The following ZNF32 variants were observed in gnomAD, a reference collection of about 807,000 sequenced individuals.
ZNF32 encodes the protein zinc finger protein 32, also known as C2H2-546.
Under a neutral mutation model 24.4 loss-of-function variants are expected in ZNF32, and 13 were observed. The observed-to-expected ratio is 0.53, with a 90% CI of 0.35 to 0.85. The LOEUF (loss-of-function observed/expected upper bound fraction) is 0.85, where lower values mean the gene tolerates loss of function less well. Among genes scored for constraint, ZNF32 ranks in the 40% least tolerant of loss-of-function variants. The pLI is 0.01. For missense variants in ZNF32, 239 were observed against 325.3 expected, an observed-to-expected ratio of 0.73 and a Z score of 2.04; for synonymous variants, 115 against 117.4, an observed-to-expected ratio of 0.98 and a Z score of 0.13.
Position 43,643,972 on chromosome 10 carries a change from T to C in ZNF32, c.*78A>G, listed in dbSNP as rs911780196. The C allele has an allele frequency of 9.0e-6, 13 of 1,442,612 alleles. No individual in the cohort carries two copies. Among genetic ancestry groups the C allele is most frequent in the African/African-American group, 1.4e-5 (1 of 70,436 alleles). 89.4% of individuals were successfully genotyped at this position (1,442,612 alleles called of 1,614,324 possible). ...TCTGAAAGATTCTCCATTCATTCCA[T>C]AGAACTGGATAGGTTGCTTCATCTC... On this transcript the variant is annotated 3_prime_UTR_variant, in exon 3 of 3. Transcript: ENST00000374433.
rs1465313512 is a variant in ZNF32, at chr10:43,643,976, A to G, written c.*74T>C. ...AAAGATTCTCCATTCATTCCATAGA[A>G]CTGGATAGGTTGCTTCATCTCAGAG... On this transcript the variant is annotated 3_prime_UTR_variant, in exon 3 of 3. Transcript: ENST00000374433. 1 of 1,467,742 alleles carries G rather than the reference A, an allele frequency of 6.8e-7. No homozygotes were observed. The highest frequency in any genetic ancestry group is 9.1e-7 in the Non-Finnish European group (1 of 1,100,816). 90.9% of individuals were successfully genotyped at this position (1,467,742 alleles called of 1,614,324 possible).
At chr10:43,645,987 C>T in intron 2 of ZNF32, 77 bp downstream of exon 2, 1 of 1,585,604 alleles carries the variant, frequency 6.3e-7, no homozygotes, top group South Asian at 1.2e-5. Flanking sequence ...CTTCCTCAGA[C>T]TGCCGACCAG....
At chr10:43,647,331 T>A (rs1255553179) in intron 1 of ZNF32, 2 of 152,150 alleles carry the variant, frequency 1.3e-5, no homozygotes, top group African/African-American at 2.4e-5. Context: ...CCCTCCTGCC[T>A]CGGCCTCCCA....
chr10:43,644,435 C>G lies in ZNF32; in HGVS notation c.437G>C (p.Gly146Ala). ...KECGKSFSQR[G>A]SLAVHERLHT... is the part of the protein sequence containing the mutation. ...GAGTCTCTCGTGGACAGCGAGACTA[C>G]CTCGTTGACTGAAGCTTTTCCCACA... is the stretch of plus-strand genomic sequence containing the variant. The change falls in exon 3 of 3, where the codon GGT (glycine) becomes GCT (alanine). Residue 146 changes from glycine (G) to alanine (A), a missense_variant. Coordinates refer to ENST00000374433, the MANE Select transcript of ZNF32 (RefSeq NM_006973.3). This position sits in a 1 kb window ranked among gnomAD's most constrained non-coding sequence, Gnocchi z 5.3. The G allele has an allele frequency of 6.2e-7, 1 of 1,614,146 alleles. No homozygotes were observed. Among genetic ancestry groups the G allele is most frequent in the Non-Finnish European group, 8.5e-7 (1 of 1,180,018 alleles).
intron 1 of ZNF32, among the ~76,000 whole-genome samples, chr10:43,646,583 C>G (rs1350908280): frequency 6.6e-6 from 1 of 152,222 alleles, no homozygotes; most frequent in Admixed American, 6.5e-5. Flanking sequence ...TCTAAGAAAA[C>G]AACATTTCAG....
chr10:43,645,604 T>A (rs1351021762), intron 2 of ZNF32, among the ~76,000 whole-genome samples: 5 of 152,230 alleles, frequency 3.3e-5, no homozygotes, highest in Admixed American at 1.3e-4. Flanking sequence ...ATTTTCAGTC[T>A]ACTAAGCTAT....
At position 43,644,113 on chromosome 10, in the gene ZNF32, G is replaced by A; in HGVS notation, c.759C>T (p.Ser253=). ...TPYLCGQCGK[S]FTQRGSLAVH... is the part of the protein sequence containing the mutation. ...CAGCCAGACTCCCTCTCTGGGTGAA[G>A]CTTTTTCCACACTGGCCGCACAGAT... Residue 253 remains serine (S), a synonymous_variant, in exon 3 of 3, where the codon AGC becomes AGT. Transcript: ENST00000374433. This position sits in a 1 kb window ranked among gnomAD's most constrained non-coding sequence, Gnocchi z 5.3. The A allele has an allele frequency of 6.2e-7, 1 of 1,614,188 alleles. No individual in the cohort carries two copies. The highest frequency in any genetic ancestry group is 2.2e-5 in the East Asian group (1 of 44,880).
At chr10:43,646,306 C>T (rs1839285149) in intron 1 of ZNF32, 104 bp from the exon 2 acceptor site, 3 of 707,982 alleles carry the variant, frequency 4.2e-6, no homozygotes, top group Non-Finnish European at 6.8e-6. Context: ...ATGTAAGAAA[C>T]CTAGATTGTT....
intron 1 of ZNF32, chr10:43,647,841 C>T (rs551396580): frequency 1.3e-5 from 2 of 152,344 alleles, no homozygotes; most frequent in African/African-American, 2.4e-5. Context: ...ATTCACAGCT[C>T]TGCCTCTCCA....
chr10:43,648,807 C>A lies in ZNF32; in HGVS notation c.-75G>T, dbSNP rs900566564. ...CGGCCAGCGGCCTCACTCACCGCAG[C>A]GGCGCGTGCCCGCAGACAAAGGCCG... On this transcript the variant is annotated 5_prime_UTR_variant, in exon 1 of 3. Transcript: ENST00000374433. 6.6e-6 allele frequency: 1 copy of A among 152,076 alleles called. No individual in the cohort carries two copies. Among genetic ancestry groups the A allele is most frequent in the African/African-American group, 2.4e-5 (1 of 41,428 alleles). The allele number at this position is 152,076 out of a possible 1,614,324, so 9.4% of individuals were successfully genotyped here.
chr10:43,644,988 G>T lies in ZNF32; in HGVS notation c.71-187C>A. 1.5e-6 allele frequency: 1 copy of T among 666,970 alleles called. No individual in the cohort carries two copies. The highest frequency in any genetic ancestry group is 2.4e-6 in the Non-Finnish European group (1 of 411,926). 41.3% of individuals were successfully genotyped at this position (666,970 alleles called of 1,614,324 possible). ...TGGGAGCAAAGGGAGCCTGTCAAAG[G>T]TCACAGAGCTAGGTAAGTTAGAGCT... On this transcript the variant is annotated intron_variant, in intron 2 of 2. Transcript: ENST00000374433. This position sits in a 1 kb window ranked among gnomAD's most constrained non-coding sequence, Gnocchi z 5.3.
rs1318613426 is a variant in ZNF32 at position 43,644,772 on chromosome 10, C to T, written c.100G>A (p.Asp34Asn). Reference protein sequence around the residue: ...NVMTEAHHKYDHSEATGSSSW... With the variant: ...NVMTEAHHKYNHSEATGSSSW... ...GAGGATCCTGTAGCCTCAGAGTGGTCATATTTGTGGTGGGCTTCAGTCATC... is the reference window on the plus strand; with the variant it reads ...GAGGATCCTGTAGCCTCAGAGTGGTTATATTTGTGGTGGGCTTCAGTCATC... The change falls in exon 3 of 3, where the codon GAC becomes AAC. Residue 34 changes from aspartate to asparagine, a missense_variant. Transcript: ENST00000374433. This position sits in a 1 kb window ranked among gnomAD's most constrained non-coding sequence, Gnocchi z 5.3. The T allele has an allele frequency of 1.2e-6, 2 of 1,608,988 alleles. No individual in the cohort carries two copies.
chr10:43,644,141 GGT>G lies in ZNF32; in HGVS notation c.729_730del (p.Pro244LeufsTer50). 1 of 1,614,178 alleles carries G rather than the reference GGT, an allele frequency of 6.2e-7. No homozygotes were observed. The highest frequency in any genetic ancestry group is 8.5e-7 in the Non-Finnish European group (1 of 1,180,034). The stretch of plus-strand genomic sequence containing the variant: ...TTTTCCACACTGGCCGCACAGATAG[GGT>G]GTCTCTCCTGTGTGGATTTTGCCAT... On this transcript the variant is annotated frameshift_variant, in exon 3 of 3. Coordinates refer to ENST00000374433, the MANE Select transcript of ZNF32 (RefSeq NM_006973.3). LOFTEE classifies it high-confidence loss of function. This position sits in a 1 kb window ranked among gnomAD's most constrained non-coding sequence, Gnocchi z 5.3.
rs762264031 is a variant in ZNF32 at position 43,644,144 on chromosome 10, G to A, written c.728C>T (p.Thr243Ile). Residue 243 changes from threonine (T) to isoleucine (I), a missense_variant, in exon 3 of 3, where the codon ACA becomes ATA. Transcript: ENST00000374433. This position sits in a 1 kb window ranked among gnomAD's most constrained non-coding sequence, Gnocchi z 5.3. ...TCCACACTGGCCGCACAGATAGGGT[G>A]TCTCTCCTGTGTGGATTTTGCCATG... Reference protein sequence around the residue: ...ILHGKIHTGETPYLCGQCGKS... With the variant: ...ILHGKIHTGEIPYLCGQCGKS... 5 of 1,614,220 alleles carry A rather than the reference G, an allele frequency of 3.1e-6. No homozygotes were observed. In the Admixed American group the frequency reaches 5.0e-5, roughly 16 times the overall value.
At position 43,643,952 on chromosome 10, in the gene ZNF32, A is replaced by T; in HGVS notation, c.*98T>A. ...CCCTACCCAATGATGGTCTTTCTGA[A>T]AGATTCTCCATTCATTCCATAGAAC... On this transcript the variant is annotated 3_prime_UTR_variant, in exon 3 of 3. Coordinates refer to ENST00000374433, the MANE Select transcript of ZNF32 (RefSeq NM_006973.3). 1 of 1,349,262 alleles carries T rather than the reference A, an allele frequency of 7.4e-7. No individual in the cohort carries two copies. The highest frequency in any genetic ancestry group is 9.9e-7 in the Non-Finnish European group (1 of 1,012,156). 83.6% of individuals were successfully genotyped at this position (1,349,262 alleles called of 1,614,324 possible).
rs144599957 is a variant in ZNF32 at position 43,645,658 on chromosome 10, C to A, written c.70+406G>T. Among the ~76,000 whole-genome samples, 6 of 152,234 alleles carry A rather than the reference C, an allele frequency of 3.9e-5. No homozygotes were observed. The East Asian group carries it at 1.2e-3, about 29-fold the overall frequency. ...TTTGGTTTGGAAGTTATTCTCTATG[C>A]AGATATTGACTTTTTTTTTTCCGAA... On this transcript the variant is annotated intron_variant, in intron 2 of 2. Coordinates refer to ENST00000374433, the MANE Select transcript of ZNF32 (RefSeq NM_006973.3).
chr10:43,646,008 A>T, intron 2 of ZNF32, 56 bp downstream of exon 2: 2 of 1,609,826 alleles, frequency 1.2e-6, no homozygotes, highest in South Asian at 2.2e-5. Context: ...TGCTGAGAAC[A>T]GGGACACTGA....
At position 43,644,918 on chromosome 10, in the gene ZNF32, G is replaced by T; in HGVS notation, c.71-117C>A. ...TGTGCCAGGCCTTATTCTTTGCATA[G>T]ACAATGCAATCCTGAAAACAATGCC... is the stretch of plus-strand genomic sequence containing the variant. On this transcript the variant is annotated intron_variant, in intron 2 of 2. Transcript: ENST00000374433. The surrounding 1 kb of genome is among the most constrained non-coding windows in gnomAD (Gnocchi z 5.3). 8.6e-7 allele frequency: 1 copy of T among 1,161,234 alleles called. No individual in the cohort carries two copies. Among genetic ancestry groups the T allele is most frequent in the Non-Finnish European group, 1.2e-6 (1 of 836,442 alleles). The allele number at this position is 1,161,234 out of a possible 1,614,324, so 71.9% of individuals were successfully genotyped here. A position where few individuals can be genotyped will look rare whatever the true frequency, so the allele number is the denominator to read the frequency against.
chr10:43,644,162 T>C lies in ZNF32; in HGVS notation c.710A>G (p.Lys237Arg), dbSNP rs754521214. 27 of 1,614,076 alleles carry C rather than the reference T, an allele frequency of 1.7e-5. No homozygotes were observed. Among genetic ancestry groups the C allele is most frequent in the Middle Eastern group, 1.6e-4 (1 of 6,084 alleles). The change falls in exon 3 of 3, where the codon AAA becomes AGA. Residue 237 changes from lysine (K) to arginine (R), a missense_variant. Physicochemically the swap from Lys to Arg is conservative, Grantham distance 26. Transcript: ENST00000374433. This position sits in a 1 kb window ranked among gnomAD's most constrained non-coding sequence, Gnocchi z 5.3. The stretch of plus-strand genomic sequence containing the variant: ...ATAGGGTGTCTCTCCTGTGTGGATT[T>C]TGCCATGCAGAATACAATTCCCCCT... Reference protein sequence around the residue: ...HTRGNCILHGKIHTGETPYLC... With the variant: ...HTRGNCILHGRIHTGETPYLC...
Sources: gnomAD v4.1 joint callset for allele counts (sites outside exome capture counted in the v4.1 genomes callset) on GRCh38, gnomAD v4.1.1 for gene constraint, Gnocchi (gnomAD v3.1) non-coding constraint, MANE v1.5 for transcripts, NCBI Gene and HGNC (gene_info 2026-07-23, HGNC 2026-07-21) for gene names.